The following CCDC141 variants were observed in gnomAD, a reference collection of about 807,000 sequenced individuals.
CCDC141 encodes coiled-coil domain-containing protein 141.
A neutral mutation model predicts 181.0 loss-of-function variants in CCDC141; 168 were observed. The observed-to-expected ratio is 0.93, with a 90% CI of 0.82 to 1.05. CCDC141 has a LOEUF of 1.05. Ranked by LOEUF, CCDC141 falls within the 50% of genes least tolerant of loss-of-function variation. The pLI is 0.00. For synonymous variants in CCDC141, 666 were observed against 642.3 expected, an observed-to-expected ratio of 1.04 and a Z score of -0.56; for missense variants, 1,902 against 1,788.5, an observed-to-expected ratio of 1.06 and a Z score of -1.14.
chr2:178,940,902 C>T (rs1014153784), intron 6 of CCDC141, among the ~76,000 whole-genome samples: 2 of 152,214 alleles, frequency 1.3e-5, no homozygotes, highest in African/African-American at 4.8e-5. Flanking sequence ...ATAATTGATA[C>T]TGAAATGTAC....
intron 3 of CCDC141, 24 bp from the exon 4 acceptor site, chr2:178,975,189 G>T: frequency 8.6e-7 from 1 of 1,160,094 alleles, no homozygotes; most frequent in Non-Finnish European, 1.2e-6. Flanking sequence ...ACAGAGGAAA[G>T]ACATTTGACA....
intron 2 of CCDC141, among the ~76,000 whole-genome samples, chr2:179,013,236 G>C (rs7594051): frequency 0.49 from 74,066 of 151,920 alleles, 21,015 homozygotes; most frequent in Non-Finnish European, 0.64. Flanking sequence ...CCTCCAGAAA[G>C]CTCCTAGAAC....
intron 2 of CCDC141, among the ~76,000 whole-genome samples, chr2:178,987,397 C>G (rs1352245546): frequency 6.6e-6 from 1 of 152,014 alleles, no homozygotes; most frequent in Non-Finnish European, 1.5e-5. Context: ...CCATTCAGGA[C>G]ATAGGCATGT....
intron 11 of CCDC141, among the ~76,000 whole-genome samples, chr2:178,881,240 A>G (rs1686592825): frequency 6.6e-6 from 1 of 152,210 alleles, no homozygotes; most frequent in Non-Finnish European, 1.5e-5. Flanking sequence ...AGTAGTCAGT[A>G]CTTGCCTGAG....
At position 178,961,455 on chromosome 2, in the gene CCDC141, T is replaced by G; in HGVS notation, c.555A>C (p.Leu185Phe). ...AGTCAGTGAGTTGTTGACTTTTGTT[T>G]AAAAGGGCTAAAGACCGTTCCAAGA... ...KELLERSLAL[L>F]NKSQQLTDFI... The change falls in exon 5 of 24, where the codon TTA (leucine) becomes TTC (phenylalanine). Residue 185 changes from leucine to phenylalanine, a missense_variant. By Grantham distance (22) the Leu-to-Phe change is conservative (BLOSUM62 0). Coordinates refer to ENST00000443758, the MANE Select transcript of CCDC141 (RefSeq NM_173648.4). The G allele has an allele frequency of 6.5e-7, 1 of 1,550,216 alleles. No individual in the cohort carries two copies. Among genetic ancestry groups the G allele is most frequent in the Non-Finnish European group, 8.7e-7 (1 of 1,146,720 alleles).
At chr2:179,049,402 C>T (rs1268672284) in intron 1 of CCDC141, among the ~76,000 whole-genome samples, 1 of 152,046 alleles carries the variant, frequency 6.6e-6, no homozygotes, top group South Asian at 2.1e-4. Flanking sequence ...GTGCCCTCCC[C>T]CTGTCTGTCG....
Position 178,853,465 on chromosome 2 carries a change from T to C in CCDC141, c.3220A>G (p.Thr1074Ala), listed in dbSNP as rs909031571. 7 of 1,614,018 alleles carry C rather than the reference T, an allele frequency of 4.3e-6. No individual in the cohort carries two copies. The highest frequency in any genetic ancestry group is 1.3e-5 in the African/African-American group (1 of 74,936). ...PQQEERIQEATDLAQHLYGLE... is the reference protein window; with the variant it reads ...PQQEERIQEAADLAQHLYGLE... ...CCATATAAGTGCTGAGCAAGGTCAG[T>C]GGCCTCCTGAATCCTTTCTTCTTGC... The change falls in exon 20 of 24, where the codon ACT becomes GCT. Residue 1074 changes from threonine (T) to alanine (A), a missense_variant. Coordinates refer to ENST00000443758, the MANE Select transcript of CCDC141 (RefSeq NM_173648.4).
intron 2 of CCDC141, 64 bp downstream of exon 2, chr2:179,047,220 A>G: frequency 7.2e-7 from 1 of 1,398,462 alleles, no homozygotes; most frequent in Admixed American, 3.1e-5. Flanking sequence ...GGAATCAAGA[A>G]GTATAAGAAA....
intron 22 of CCDC141, 56 bp downstream of exon 22, chr2:178,845,570 G>C (rs1219539802): frequency 1.1e-6 from 1 of 923,790 alleles, no homozygotes; most frequent in East Asian, 2.4e-5. Context: ...AATGGACAAT[G>C]ACTTTAACCT....
intron 2 of CCDC141, among the ~76,000 whole-genome samples, chr2:178,991,597 T>C (rs1559033603): frequency 6.6e-6 from 1 of 152,060 alleles, no homozygotes; most frequent in East Asian, 1.9e-4. Flanking sequence ...TACAGTTAGA[T>C]TGAAGGAATA....
chr2:178,883,692 A>T (rs1444468035), intron 11 of CCDC141, among the ~76,000 whole-genome samples: 1 of 152,146 alleles, frequency 6.6e-6, no homozygotes, highest in Non-Finnish European at 1.5e-5. Context: ...CCTCCCACTA[A>T]ACCAGCACCC....
In CCDC141 at chr2:179,045,654, C is replaced by T. The variant is rs576789837; in HGVS notation, c.225+1630G>A. ...CAGTGTAAAAGTGTTCCTATTTCTCCACATCCTCTCCAGCACCTGTTGTTT... is the reference window on the plus strand; with the variant it reads ...CAGTGTAAAAGTGTTCCTATTTCTCTACATCCTCTCCAGCACCTGTTGTTT... On this transcript the variant is annotated intron_variant, in intron 2 of 23. Transcript: ENST00000443758. Among the ~76,000 whole-genome samples, 11 of 151,776 alleles carry T rather than the reference C, an allele frequency of 7.2e-5. No homozygotes were observed. In the East Asian group the frequency reaches 2.2e-3, roughly 30 times the overall value.
At chr2:178,869,347 AC>A in intron 14 of CCDC141, 42 bp from the exon 15 acceptor site, 2 of 1,419,188 alleles carry the variant, frequency 1.4e-6, no homozygotes, top group Non-Finnish European at 1.9e-6. Flanking sequence ...CTATTAAAGA[AC>A]TTTTTTACTT....
intron 8 of CCDC141, among the ~76,000 whole-genome samples, chr2:178,900,986 C>T (rs1687659984): frequency 6.6e-6 from 1 of 152,078 alleles, no homozygotes; most frequent in Non-Finnish European, 1.5e-5. Context: ...GATCAAAGCT[C>T]AGAGAGGTGG....
At chr2:178,928,085 T>C (rs149667829) in intron 6 of CCDC141, among the ~76,000 whole-genome samples, 1 of 152,234 alleles carries the variant, frequency 6.6e-6, no homozygotes, top group Admixed American at 6.5e-5. Context: ...TCAGAATAAT[T>C]ATGCTAATTG....
intron 5 of CCDC141, among the ~76,000 whole-genome samples, chr2:178,960,767 AT>A (rs1460848930): frequency 2.0e-5 from 3 of 152,166 alleles, no homozygotes; most frequent in African/African-American, 7.2e-5. Context: ...CCAAGGTCAT[AT>A]TTTTTGATTG....
chr2:178,984,729 A>C (rs1249652586), intron 2 of CCDC141, among the ~76,000 whole-genome samples: 174 of 150,994 alleles, frequency 1.2e-3, no homozygotes, highest in African/African-American at 3.9e-3. Flanking sequence ...AGGCCATTAC[A>C]TAATGGTAAA....
chr2:178,969,454 G>T (rs1438440505), intron 4 of CCDC141, among the ~76,000 whole-genome samples: 1 of 152,182 alleles, frequency 6.6e-6, no homozygotes, highest in Non-Finnish European at 1.5e-5. Flanking sequence ...TCCCTGGGAT[G>T]CAAGGCTGGT....
intron 2 of CCDC141, among the ~76,000 whole-genome samples, chr2:179,015,842 C>CATATATGTATCAT (rs1256358003): frequency 8.6e-6 from 1 of 116,318 alleles, no homozygotes; most frequent in African/African-American, 3.1e-5. Flanking sequence ...ATATATATCT[C>CATATATGTATCAT]ATATATCTCA....
Sources: gnomAD v4.1 joint callset for allele counts (sites outside exome capture counted in the v4.1 genomes callset) on GRCh38, gnomAD v4.1.1 for gene constraint, MANE v1.5 for transcripts, NCBI Gene and HGNC (gene_info 2026-07-23, HGNC 2026-07-21) for gene names.